Variants in AGMO observed in about 807,000 individuals in gnomAD.
The protein encoded by AGMO is alkylglycerol monooxygenase.
In AGMO, 75 loss-of-function variants were observed where a neutral mutation model predicts 60.2. That is an observed-to-expected ratio of 1.25 (90% CI 1.03 to 1.51). The LOEUF (loss-of-function observed/expected upper bound fraction) is 1.51, where lower values mean the gene tolerates loss of function less well. Among genes scored for constraint, AGMO ranks in the 40% most tolerant of loss-of-function variants. The pLI is 0.00. For missense variants in AGMO, 763 were observed against 525.5 expected (o/e 1.45, Z -4.42); for synonymous variants, 261 against 177.1 (o/e 1.47, Z -3.76).
At chr7:15,386,520 G>C (rs972448497) in intron 9 of AGMO, among the ~76,000 whole-genome samples, 1 of 152,160 alleles carries the variant, frequency 6.6e-6, no homozygotes, top group African/African-American at 2.4e-5. Context: ...TTGGTGGATT[G>C]TTGCACAATG....
intron 12 of AGMO, among the ~76,000 whole-genome samples, chr7:15,330,529 A>G (rs1204205513): frequency 6.6e-6 from 1 of 152,114 alleles, no homozygotes; most frequent in African/African-American, 2.4e-5. Context: ...GTGTTACTAG[A>G]AAGTTTTGAG....
chr7:15,163,804 G>C, the AGMO span, among the ~76,000 whole-genome samples: 1 of 151,388 alleles, frequency 6.6e-6, no homozygotes, highest in Non-Finnish European at 1.5e-5. Flanking sequence ...TTGTGCCCTT[G>C]CCTGATTTTG....
chr7:15,197,087 T>G (rs538387586), downstream of AGMO, among the ~76,000 whole-genome samples: 14 of 152,134 alleles, frequency 9.2e-5, no homozygotes, highest in Admixed American at 2.0e-4. Flanking sequence ...AGGCTTAAGA[T>G]AGAGCCAAGC....
chr7:15,259,316 T>C (rs192459346), intron 12 of AGMO, among the ~76,000 whole-genome samples: 1 of 151,874 alleles, frequency 6.6e-6, no homozygotes, highest in East Asian at 2.0e-4. Flanking sequence ...ACCATAGAGC[T>C]TGAAGACAAG....
intron 6 of AGMO, among the ~76,000 whole-genome samples, chr7:15,392,947 CTGTTTCCT>C (rs1784210814): frequency 1.3e-5 from 2 of 152,250 alleles, no homozygotes; most frequent in Admixed American, 1.3e-4. Flanking sequence ...AATACAAAGC[CTGTTTCCT>C]AAGTGTTGAA....
At chr7:15,528,302 A>C (rs2128539413) in intron 3 of AGMO, among the ~76,000 whole-genome samples, 2 of 152,242 alleles carry the variant, frequency 1.3e-5, no homozygotes, top group South Asian at 2.1e-4. Context: ...TATAAGCATA[A>C]ATTTTATATG....
intron 5 of AGMO, among the ~76,000 whole-genome samples, chr7:15,411,739 A>T (rs1354674790): frequency 6.6e-6 from 1 of 152,100 alleles, no homozygotes; most frequent in Middle Eastern, 3.2e-3. Context: ...CAGAAATTTA[A>T]TATTCACTAA....
At chr7:15,337,461 G>A (rs1289645226) in intron 12 of AGMO, among the ~76,000 whole-genome samples, 1 of 152,108 alleles carries the variant, frequency 6.6e-6, no homozygotes, top group Non-Finnish European at 1.5e-5. Context: ...GGAGACACTT[G>A]AAATCAATCC....
At chr7:15,233,676 G>C (rs947445651) in intron 12 of AGMO, among the ~76,000 whole-genome samples, 3 of 152,030 alleles carry the variant, frequency 2.0e-5, no homozygotes, top group African/African-American at 7.2e-5. Context: ...AGCGATTAAA[G>C]CCCACATAAC....
chr7:15,358,402 CATA>C (rs1202642703), intron 12 of AGMO: 5 of 471,006 alleles, frequency 1.1e-5, no homozygotes, highest in Admixed American at 9.4e-5. Context: ...AATAAGAAGG[CATA>C]ATAATTAGAT....
intron 3 of AGMO, among the ~76,000 whole-genome samples, chr7:15,433,562 C>G (rs556756280): frequency 1.3e-5 from 2 of 151,834 alleles, no homozygotes; most frequent in Non-Finnish European, 2.9e-5. Context: ...CTTTTGTGAA[C>G]AAAATGAGAA....
In AGMO at chr7:15,217,279, C is replaced by T. The variant is rs370535851; in HGVS notation, c.1264-15920G>A. On this transcript the variant is annotated intron_variant, in intron 12 of 12. Transcript: ENST00000342526. ...CCATATCCCAAGGAACATGGGAAGC[C>T]CAGGGATATTGACAATCTCAACTGA... 5.3e-5 allele frequency among the ~76,000 whole-genome samples: 8 copies of T among 151,920 alleles called. No individual in the cohort carries two copies. The East Asian group carries it at 9.7e-4, about 18-fold the overall frequency.
chr7:15,157,681 C>T, the AGMO span, among the ~76,000 whole-genome samples: 6 of 152,322 alleles, frequency 3.9e-5, no homozygotes, highest in Admixed American at 6.5e-5. Flanking sequence ...TCCAGATTAT[C>T]TGCAAGCTTC....
the AGMO span, among the ~76,000 whole-genome samples, chr7:15,121,595 T>C: frequency 6.6e-6 from 1 of 152,106 alleles, no homozygotes; most frequent in African/African-American, 2.4e-5. Flanking sequence ...TTTTTTCATA[T>C]ATTTGTCAGC....
At chr7:15,341,327 C>G (rs1781840259) in intron 12 of AGMO, among the ~76,000 whole-genome samples, 1 of 152,162 alleles carries the variant, frequency 6.6e-6, no homozygotes, top group East Asian at 1.9e-4. Flanking sequence ...AATCATTTCT[C>G]TGAAGTTCAA....
At chr7:15,157,386 G>A in the AGMO span, among the ~76,000 whole-genome samples, 3 of 152,224 alleles carry the variant, frequency 2.0e-5, no homozygotes, top group Non-Finnish European at 4.4e-5. Flanking sequence ...TATGTGTTAT[G>A]TAAATAAAAA....
At chr7:15,279,729 A>G (rs1783907496) in intron 12 of AGMO, among the ~76,000 whole-genome samples, 1 of 152,152 alleles carries the variant, frequency 6.6e-6, no homozygotes, top group Non-Finnish European at 1.5e-5. Context: ...AGAAAACTGT[A>G]AGCCTCCAGA....
intron 3 of AGMO, among the ~76,000 whole-genome samples, chr7:15,542,629 A>G (rs916155222): frequency 6.6e-6 from 1 of 152,198 alleles, no homozygotes; most frequent in Admixed American, 6.5e-5. Context: ...GCCTTCTGCA[A>G]CACCCCTTTG....
chr7:15,530,931 G>C (rs1204960327), intron 3 of AGMO, among the ~76,000 whole-genome samples: 1 of 113,348 alleles, frequency 8.8e-6, no homozygotes, highest in East Asian at 2.6e-4. Context: ...TTTTGAGATG[G>C]AGTTTCGCTC....
Sources: gnomAD v4.1 joint callset for allele counts (sites outside exome capture counted in the v4.1 genomes callset) on GRCh38, gnomAD v4.1.1 for gene constraint, MANE v1.5 for transcripts, NCBI Gene and HGNC (gene_info 2026-07-23, HGNC 2026-07-21) for gene names.